The following SPAG9 variants were observed in gnomAD, a reference collection of about 807,000 sequenced individuals.
The protein encoded by SPAG9 is C-Jun-amino-terminal kinase-interacting protein 4.
In SPAG9, 35 loss-of-function variants were observed where a neutral mutation model predicts 166.5. The observed-to-expected ratio is 0.21, with a 90% CI of 0.16 to 0.28. The LOEUF (loss-of-function observed/expected upper bound fraction) is 0.28. SPAG9 is among the 10% of genes least tolerant of loss of function. The pLI is 1.00. For missense variants in SPAG9, 1,235 were observed against 1,603.3 expected (o/e 0.77, Z 3.92); for synonymous variants, 534 against 565.5 (o/e 0.94, Z 0.79).
chr17:51,082,288 T>C (rs2048185943), intron 1 of SPAG9, among the ~76,000 whole-genome samples: 2 of 148,826 alleles, frequency 1.3e-5, no homozygotes, highest in South Asian at 2.1e-4. Context: ...GGCAGGAGAA[T>C]TGCTTGAACC....
intron 24 of SPAG9, 92 bp downstream of exon 24, chr17:50,984,830 AG>A (rs1362734388): frequency 2.1e-6 from 2 of 947,626 alleles, no homozygotes; most frequent in Non-Finnish European, 3.4e-6. Context: ...CTTTAAACTG[AG>A]TATCATTTCT....
intron 1 of SPAG9, among the ~76,000 whole-genome samples, chr17:51,117,164 T>C (rs1232420948): frequency 6.6e-6 from 1 of 152,136 alleles, no homozygotes; most frequent in East Asian, 1.9e-4. Flanking sequence ...AGTCAGAAGG[T>C]ATTCAAAATA....
chr17:51,016,769 G>C (rs1333301288), intron 8 of SPAG9, among the ~76,000 whole-genome samples: 1 of 152,174 alleles, frequency 6.6e-6, no homozygotes, highest in African/African-American at 2.4e-5. Context: ...GCCAGGCATG[G>C]TGGCTCACGC....
intron 24 of SPAG9, among the ~76,000 whole-genome samples, chr17:50,984,578 C>T (rs1974890822): frequency 6.6e-6 from 1 of 151,994 alleles, no homozygotes; most frequent in African/African-American, 2.4e-5. Flanking sequence ...TCCAGCTACT[C>T]GGGAGGCTGA....
chr17:50,999,133 T>C (rs1219358644), intron 14 of SPAG9, among the ~76,000 whole-genome samples: 1 of 152,242 alleles, frequency 6.6e-6, no homozygotes, highest in Admixed American at 6.5e-5. Flanking sequence ...CGGGTCTATT[T>C]CTTTTTTAAT....
chr17:51,008,614 G>A (rs1356146613), intron 9 of SPAG9, among the ~76,000 whole-genome samples: 1 of 151,978 alleles, frequency 6.6e-6, no homozygotes, highest in Non-Finnish European at 1.5e-5. Flanking sequence ...GCCAACCTAG[G>A]AATGCTACAT....
At chr17:51,004,540 C>T (rs137991030) in intron 12 of SPAG9, among the ~76,000 whole-genome samples, 65 of 152,228 alleles carry the variant, frequency 4.3e-4, no homozygotes, top group African/African-American at 1.5e-3. Context: ...GAATTAGAGA[C>T]CAGCCTGGCC....
chr17:51,062,631 C>T (rs1010446827), intron 2 of SPAG9, among the ~76,000 whole-genome samples: 1 of 152,146 alleles, frequency 6.6e-6, no homozygotes, highest in Non-Finnish European at 1.5e-5. Context: ...TGCTCTTTCA[C>T]CCAGGCTGGA....
intron 1 of SPAG9, among the ~76,000 whole-genome samples, chr17:51,089,507 A>G (rs1403646403): frequency 6.7e-6 from 1 of 149,910 alleles, no homozygotes; most frequent in Non-Finnish European, 1.5e-5. Flanking sequence ...GAACTTATCC[A>G]TGTAACCAAA....
intron 1 of SPAG9, among the ~76,000 whole-genome samples, chr17:51,094,291 G>C (rs2048552883): frequency 6.6e-6 from 1 of 152,160 alleles, no homozygotes; most frequent in African/African-American, 2.4e-5. Flanking sequence ...GGCACTTTAA[G>C]TTCTAGCCTG....
chr17:51,078,180 CA>C (rs2048068874), intron 2 of SPAG9, among the ~76,000 whole-genome samples: 2 of 152,160 alleles, frequency 1.3e-5, no homozygotes, highest in Non-Finnish European at 2.9e-5. Context: ...TGGGTATCCA[CA>C]AGGCTAAAAA....
chr17:50,971,465 T>A (rs1307024888), intron 28 of SPAG9, among the ~76,000 whole-genome samples: 21 of 130,926 alleles, frequency 1.6e-4, no homozygotes, highest in Non-Finnish European at 3.4e-4. Context: ...CTACCTTTTT[T>A]TTTTTTTTTT....
rs201334137 is a variant in SPAG9 at position 50,964,928 on chromosome 17, G to GT, written c.*1343dup. On this transcript the variant is annotated 3_prime_UTR_variant, in exon 30 of 30. Coordinates refer to ENST00000262013, the MANE Select transcript of SPAG9 (RefSeq NM_001130528.3). The stretch of plus-strand genomic sequence containing the variant: ...CCACCACACCCGGTTAATTTATTTT[G>GT]TTTTTTTTTTTTGGTAGAGACAGGG... The GT allele has an allele frequency of 0.063, 10,532 of 166,616 alleles. 200 individuals carry two copies. The highest frequency in any genetic ancestry group is 0.21 in the East Asian group (1,064 of 5,180). 10.3% of individuals were successfully genotyped at this position (166,616 alleles called of 1,614,324 possible).
chr17:50,979,977 CT>C, intron 25 of SPAG9, 60 bp from the exon 26 acceptor site: 1 of 1,539,582 alleles, frequency 6.5e-7, no homozygotes, highest in Admixed American at 1.7e-5. Context: ...ATATTTAAAA[CT>C]GTGCTAATTT....
intron 1 of SPAG9, among the ~76,000 whole-genome samples, chr17:51,114,143 T>C (rs1189933098): frequency 2.0e-5 from 3 of 152,074 alleles, no homozygotes; most frequent in East Asian, 1.9e-4. Flanking sequence ...CTGGACAACA[T>C]GGTGAAACCC....
intron 5 of SPAG9, among the ~76,000 whole-genome samples, chr17:51,032,185 C>T (rs527893305): frequency 8.3e-4 from 127 of 152,122 alleles, no homozygotes; most frequent in African/African-American, 2.9e-3. Flanking sequence ...TTTTGAGACA[C>T]GGTCTCACTC....
chr17:51,014,557 A>G (rs2045620995), intron 8 of SPAG9: 2 of 471,878 alleles, frequency 4.2e-6, no homozygotes, highest in Non-Finnish European at 7.5e-6. Flanking sequence ...AAGAAATTAT[A>G]GAATGTTTTT....
In SPAG9 at chr17:51,089,706, C is replaced by T. The variant is rs1165099587; in HGVS notation, c.304-10002G>A. ...CTTTCTTTTTTTTGATATGGAGTCT[C>T]GCTCTGTGACCCAGGCTGGAGTGCA... On this transcript the variant is annotated intron_variant, in intron 1 of 29. Transcript: ENST00000262013. Among the ~76,000 whole-genome samples, 8 of 139,228 alleles carry T rather than the reference C, an allele frequency of 5.7e-5. No homozygotes were observed. In the East Asian group the frequency reaches 8.9e-4, roughly 15 times the overall value. The allele number at this position is 139,228 out of a possible 152,430, so 91.3% of individuals were successfully genotyped here. A position where few individuals can be genotyped will look rare whatever the true frequency, so the allele number is the denominator to read the frequency against.
intron 1 of SPAG9, among the ~76,000 whole-genome samples, chr17:51,110,456 C>T (rs532353272): frequency 1.8e-4 from 27 of 150,896 alleles, no homozygotes; most frequent in African/African-American, 4.4e-4. Flanking sequence ...TTTGGGAGGC[C>T]GAGGCAGGCA....
Sources: allele counts gnomAD v4.1 joint callset (sites outside exome capture counted in the v4.1 genomes callset), GRCh38; gene constraint gnomAD v4.1.1; transcripts MANE v1.5; gene names NCBI Gene and HGNC (gene_info 2026-07-23, HGNC 2026-07-21).